ALDH8A1: variants seen among roughly 807,000 people sequenced by gnomAD.
ALDH8A1 encodes the protein aldehyde dehydrogenase 8 family member A1, also known as 2-aminomuconic semialdehyde dehydrogenase.
A neutral mutation model predicts 43.3 loss-of-function variants in ALDH8A1; 39 were observed. The observed-to-expected ratio is 0.90, with a 90% confidence interval of 0.70 to 1.18. The LOEUF (loss-of-function observed/expected upper bound fraction) is 1.18, where lower values mean the gene tolerates loss of function less well. ALDH8A1 is among the 50% of genes most tolerant of loss of function. The pLI, the probability that ALDH8A1 is intolerant of heterozygous loss-of-function variation, is 0.00. For synonymous variants in ALDH8A1, 233 were observed against 243.5 expected, an observed-to-expected ratio of 0.96 and a Z score of 0.40; for missense variants, 605 against 622.6, an observed-to-expected ratio of 0.97 and a Z score of 0.30.
rs1399542045 is a variant in ALDH8A1, at chr6:134,949,946, A to G, written c.108T>C (p.Tyr36=). Reference sequence around the variant, plus strand: ...CTTTTCCACTATTTGGCACTCTGCAATACACTTCCCCTGTTGATGGGTCGT... The same window carrying G: ...CTTTTCCACTATTTGGCACTCTGCAGTACACTTCCCCTGTTGATGGGTCGT... ...DSYDPSTGEV[Y]CRVPNSGKDE... Residue 36 remains tyrosine, a synonymous_variant, in exon 1 of 7, where the codon TAT becomes TAC. Transcript: ENST00000265605. 2 of 1,611,630 alleles carry G rather than the reference A, an allele frequency of 1.2e-6. No homozygotes were observed. Among genetic ancestry groups the G allele is most frequent in the Admixed American group, 1.7e-5 (1 of 59,722 alleles).
intron 6 of ALDH8A1, among the ~76,000 whole-genome samples, chr6:134,919,671 T>C (rs1448291790): frequency 2.0e-5 from 3 of 152,060 alleles, no homozygotes; most frequent in Non-Finnish European, 4.4e-5. Flanking sequence ...ATAAAAGTAG[T>C]CCTAAAAATT....
In ALDH8A1 at chr6:134,918,557, C is replaced by T. The variant is rs747862518; in HGVS notation, c.1322G>A (p.Gly441Asp). Residue 441 changes from glycine to aspartate, a missense_variant, in exon 7 of 7, where the codon GGC (glycine) becomes GAC (aspartate). Transcript: ENST00000265605. ...VHRVAKKLQS[G>D]LVWTNCWLIR... is the part of the protein sequence containing the mutation. ...GAGCCAGCAGTTGGTCCAGACCAAG[C>T]CAGACTGCAGCTTCTTAGCCACCCG... is the stretch of plus-strand genomic sequence containing the variant. 15 of 1,614,206 alleles carry T rather than the reference C, an allele frequency of 9.3e-6. No individual in the cohort carries two copies.
rs1220249137 is a variant in ALDH8A1, at chr6:134,939,301, G to A, written c.557C>T (p.Thr186Ile). 8 of 1,614,202 alleles carry A rather than the reference G, an allele frequency of 5.0e-6. No homozygotes were observed. The highest frequency in any genetic ancestry group is 4.5e-5 in the East Asian group (2 of 44,884). ...CAGGAGTTTGCACAACATCCACGCA[G>A]TCACTGAAGTCAGCTCACTGGGCTT... is the stretch of plus-strand genomic sequence containing the variant. ...IAKPSELTSV[T>I]AWMLCKLLDK... The change falls in exon 4 of 7, where the codon ACT becomes ATT. Residue 186 changes from threonine (T) to isoleucine (I), a missense_variant. Transcript: ENST00000265605.
intron 1 of ALDH8A1, among the ~76,000 whole-genome samples, chr6:134,948,086 C>G (rs1440188999): frequency 1.3e-5 from 2 of 152,062 alleles, no homozygotes; most frequent in Admixed American, 1.3e-4. Context: ...GGAACAAAAT[C>G]CTGTCATTTG....
At chr6:134,929,622 A>G (rs1366150157) in intron 5 of ALDH8A1, among the ~76,000 whole-genome samples, 1 of 152,106 alleles carries the variant, frequency 6.6e-6, no homozygotes, top group Non-Finnish European at 1.5e-5. Context: ...TAATTCTTCA[A>G]AGTACAGAGG....
intron 3 of ALDH8A1, among the ~76,000 whole-genome samples, chr6:134,941,241 C>G (rs1330909421): frequency 6.6e-6 from 1 of 152,016 alleles, no homozygotes; most frequent in Non-Finnish European, 1.5e-5. Flanking sequence ...GAGTCTCGAT[C>G]TATCACCCAG....
At chr6:134,939,795 T>C (rs77506053) in intron 3 of ALDH8A1, among the ~76,000 whole-genome samples, 1,792 of 152,228 alleles carry the variant, frequency 0.012, 40 homozygotes, top group African/African-American at 0.04. Flanking sequence ...CTATTCACAA[T>C]AGCAATAGCA....
In ALDH8A1 at chr6:134,932,859, C is replaced by T. The variant is rs1172468687; in HGVS notation, c.766G>A (p.Gly256Ser). 6.2e-7 allele frequency: 1 copy of T among 1,614,178 alleles called. No individual in the cohort carries two copies. Among genetic ancestry groups the T allele is most frequent in the East Asian group, 2.2e-5 (1 of 44,880 alleles). The change falls in exon 5 of 7, where the codon GGC becomes AGC. Residue 256 changes from glycine (G) to serine (S), a missense_variant. By Grantham distance (56) the Gly-to-Ser change is moderately conservative. Coordinates refer to ENST00000265605, the MANE Select transcript of ALDH8A1 (RefSeq NM_022568.4). ...TCAAAGATGATGGCAGGATTCTTGC[C>T]CCCCAGCTCCAGGGAGAGCTTTTTG... Reference protein sequence around the residue: ...HCKKLSLELGGKNPAIIFEDA... With the variant: ...HCKKLSLELGSKNPAIIFEDA...
intron 6 of ALDH8A1, among the ~76,000 whole-genome samples, chr6:134,920,120 C>T (rs1776774833): frequency 1.3e-5 from 2 of 152,074 alleles, no homozygotes; most frequent in South Asian, 4.2e-4. Context: ...GCTATGTTGC[C>T]CAGGCTGGTC....
At position 134,940,869 on chromosome 6, in the gene ALDH8A1, T is replaced by G. The variant is rs11961522; in HGVS notation, c.443-1454A>C. Among the ~76,000 whole-genome samples the G allele has an allele frequency of 2.0e-3, 302 of 152,334 alleles. 1 individual carries two copies. The highest frequency in any genetic ancestry group is 7.2e-3 in the African/African-American group (298 of 41,574). ...TTGCAGCAAAATATATTAGCACACT[T>G]CCTAGGAGGAGGTAGAGCTTTCCAC... On this transcript the variant is annotated intron_variant, in intron 3 of 6. Transcript: ENST00000265605.
intron 3 of ALDH8A1, among the ~76,000 whole-genome samples, chr6:134,940,657 C>A (rs1310894243): frequency 6.6e-6 from 1 of 152,164 alleles, no homozygotes; most frequent in Non-Finnish European, 1.5e-5. Flanking sequence ...TGTCTCCATG[C>A]AATATTCTGA....
chr6:134,939,482 G>T, intron 3 of ALDH8A1, 67 bp from the exon 4 acceptor site: 1 of 1,528,988 alleles, frequency 6.5e-7, no homozygotes, highest in South Asian at 1.2e-5. Context: ...GGCCAAGTGG[G>T]GTTATTAACG....
intron 1 of ALDH8A1, among the ~76,000 whole-genome samples, chr6:134,946,675 C>G (rs1399963173): frequency 6.6e-6 from 1 of 151,850 alleles, no homozygotes; most frequent in Non-Finnish European, 1.5e-5. Context: ...GCCATAGATA[C>G]CAAGTGGTGC....
chr6:134,937,066 A>C (rs527479049), intron 4 of ALDH8A1, among the ~76,000 whole-genome samples: 1 of 152,078 alleles, frequency 6.6e-6, no homozygotes, highest in African/African-American at 2.4e-5. Context: ...CCACACACAC[A>C]CCTAATGGGA....
chr6:134,931,389 G>A (rs185890502), intron 5 of ALDH8A1, among the ~76,000 whole-genome samples: 6 of 152,168 alleles, frequency 3.9e-5, no homozygotes, highest in African/African-American at 1.2e-4. Context: ...TCAGCCTCCC[G>A]AGTAGCTGAG....
At chr6:134,918,892 G>A (rs549268971) in intron 6 of ALDH8A1, 25 bp from the exon 7 acceptor site, 1 of 1,606,444 alleles carries the variant, frequency 6.2e-7, no homozygotes, top group African/African-American at 1.3e-5. Context: ...ATCATAATTA[G>A]CAATGTCTTA....
At position 134,943,955 on chromosome 6, in the gene ALDH8A1, C is replaced by A. The variant is rs767791192; in HGVS notation, c.150G>T (p.Ala50=). 1 of 1,613,780 alleles carries A rather than the reference C, an allele frequency of 6.2e-7. No homozygotes were observed. The highest frequency in any genetic ancestry group is 8.5e-7 in the Non-Finnish European group (1 of 1,179,856). ...GAAAGGCTTCTCTGGCGGCCTTGAC[C>A]GCGGCTTCGATCTTTGAGGAGCAAA... ...PNSGKDEIEA[A]VKAAREAFPS... The change falls in exon 2 of 7, where the codon GCG becomes GCT. Residue 50 remains alanine (A), a synonymous_variant. Coordinates refer to ENST00000265605, the MANE Select transcript of ALDH8A1 (RefSeq NM_022568.4).
At chr6:134,925,159 T>C (rs938666916) in intron 6 of ALDH8A1, among the ~76,000 whole-genome samples, 3 of 152,186 alleles carry the variant, frequency 2.0e-5, no homozygotes, top group African/African-American at 7.2e-5. Flanking sequence ...GTATTAACGA[T>C]CCATATTTAA....
chr6:134,933,286 G>A (rs1773660954), intron 4 of ALDH8A1, among the ~76,000 whole-genome samples: 1 of 152,168 alleles, frequency 6.6e-6, no homozygotes, highest in Non-Finnish European at 1.5e-5. Context: ...GAGAGATGCA[G>A]GGTGGAACAT....
Sources: allele counts gnomAD v4.1 joint callset (sites outside exome capture counted in the v4.1 genomes callset), GRCh38; gene constraint gnomAD v4.1.1; transcripts MANE v1.5; gene names NCBI Gene and HGNC (gene_info 2026-07-23, HGNC 2026-07-21).